Variants in PPP2R5E observed in about 807,000 individuals in gnomAD.
PPP2R5E encodes protein phosphatase 2 regulatory subunit B'epsilon, also known as serine/threonine-protein phosphatase 2A 56 kDa regulatory subunit epsilon isoform.
PPP2R5E carries 4 observed loss-of-function variants against 65.3 expected under a neutral mutation model. The ratio of observed to expected loss-of-function variants is 0.06; its 90% CI spans 0.03 to 0.14. PPP2R5E has a LOEUF of 0.14. PPP2R5E is among the 10% of genes least tolerant of loss of function. The probability of loss-of-function intolerance (pLI) is 1.00; values close to 1 mark genes in which losing one functional copy is unlikely to be tolerated. For missense variants in PPP2R5E, 274 were observed against 556.1 expected (o/e 0.49, Z 5.10); for synonymous variants, 183 against 187.4 (o/e 0.98, Z 0.19).
intron 2 of PPP2R5E, among the ~76,000 whole-genome samples, chr14:63,458,699 T>C (rs927406883): frequency 1.2e-4 from 19 of 152,194 alleles, no homozygotes; most frequent in Non-Finnish European, 2.1e-4. Context: ...ATAGAGTGAA[T>C]AAGTATTTCT....
intron 5 of PPP2R5E, among the ~76,000 whole-genome samples, chr14:63,398,384 C>CA (rs1233023237): frequency 6.6e-6 from 1 of 152,326 alleles, no homozygotes; most frequent in Admixed American, 6.5e-5. Context: ...GGCATAAAGA[C>CA]AGACATACAG....
At chr14:63,521,496 G>A (rs1239724964) in intron 2 of PPP2R5E, among the ~76,000 whole-genome samples, 1 of 152,144 alleles carries the variant, frequency 6.6e-6, no homozygotes, top group Non-Finnish European at 1.5e-5. Context: ...GAGAAATCCC[G>A]TCTCTACTAA....
At chr14:63,474,627 C>G (rs1555363907) in intron 2 of PPP2R5E, among the ~76,000 whole-genome samples, 1 of 123,818 alleles carries the variant, frequency 8.1e-6, no homozygotes, top group Non-Finnish European at 1.6e-5. Context: ...TGAACCACAA[C>G]TGCACCACTG....
chr14:63,483,987 G>C lies in PPP2R5E; in HGVS notation c.158-30102C>G, dbSNP rs1475871806. Among the ~76,000 whole-genome samples the C allele has an allele frequency of 2.6e-5, 4 of 152,100 alleles. No individual in the cohort carries two copies. In the East Asian group the frequency reaches 7.7e-4, roughly 29 times the overall value. On this transcript the variant is annotated intron_variant, in intron 2 of 13. Transcript: ENST00000337537. The stretch of plus-strand genomic sequence containing the variant: ...AGTCCCAGCTACTCAGGGGGGCTGA[G>C]GCAGGAGAATCGCTTGAACTGGTGA...
chr14:63,508,076 A>C, intron 2 of PPP2R5E: 4 of 890,742 alleles, frequency 4.5e-6, no homozygotes, highest in Non-Finnish European at 4.0e-6. Flanking sequence ...CCAAGCCCAT[A>C]AACCCTCACT....
intron 10 of PPP2R5E, among the ~76,000 whole-genome samples, chr14:63,390,460 G>A (rs1300112336): frequency 6.6e-6 from 1 of 151,928 alleles, no homozygotes; most frequent in East Asian, 1.9e-4. Flanking sequence ...AATATAATGG[G>A]AAAATGACAG....
intron 2 of PPP2R5E, chr14:63,479,482 C>T (rs1187906444): frequency 4.6e-5 from 7 of 152,172 alleles, no homozygotes; most frequent in African/African-American, 1.7e-4. Flanking sequence ...CTGCCTGTCC[C>T]TAAATATTCT....
rs148635442 is a variant in PPP2R5E at position 63,521,616 on chromosome 14, T to A, written c.157+17913A>T. On this transcript the variant is annotated intron_variant, in intron 2 of 13. Coordinates refer to ENST00000337537, the MANE Select transcript of PPP2R5E (RefSeq NM_006246.5). ...AGGCAGAGGTTGCAGTGAGCTGAGA[T>A]CACGCCACTGCACTCCAGTCTGGTG... Among the ~76,000 whole-genome samples, 36 of 152,214 alleles carry A rather than the reference T, an allele frequency of 2.4e-4. 1 individual carries two copies. The East Asian group carries it at 6.4e-3, about 27-fold the overall frequency.
chr14:63,389,358 G>T (rs1007970183), intron 11 of PPP2R5E, among the ~76,000 whole-genome samples: 3 of 151,402 alleles, frequency 2.0e-5, no homozygotes, highest in African/African-American at 7.3e-5. Context: ...ACATCTGTAT[G>T]TCTTTAAAAA....
intron 4 of PPP2R5E, among the ~76,000 whole-genome samples, chr14:63,419,676 A>G (rs1886897053): frequency 6.6e-6 from 1 of 152,236 alleles, no homozygotes; most frequent in East Asian, 1.9e-4. Context: ...CCTAAACTTT[A>G]CTATGAATGA....
At chr14:63,443,816 T>G (rs575776922) in intron 3 of PPP2R5E, among the ~76,000 whole-genome samples, 3 of 152,104 alleles carry the variant, frequency 2.0e-5, no homozygotes, top group Non-Finnish European at 4.4e-5. Flanking sequence ...CTCCTTCCTC[T>G]CTCACACTCC....
In PPP2R5E at chr14:63,508,324, C is replaced by A. The variant is rs573641612; in HGVS notation, c.157+31205G>T. Reference sequence around the variant, plus strand: ...GCCTGTCACTCTTTGTTCTGTCACTCTCACAAAACAACTGCATATATTCGC... The same window carrying A: ...GCCTGTCACTCTTTGTTCTGTCACTATCACAAAACAACTGCATATATTCGC... On this transcript the variant is annotated intron_variant, in intron 2 of 13. Transcript: ENST00000337537. The A allele has an allele frequency of 5.2e-6, 3 of 581,356 alleles. No homozygotes were observed. The East Asian group carries it at 4.4e-4, about 85-fold the overall frequency. 36.0% of individuals were successfully genotyped at this position (581,356 alleles called of 1,614,324 possible). A position where few individuals can be genotyped will look rare whatever the true frequency, so the allele number is the denominator to read the frequency against.
chr14:63,379,263 C>T (rs1195687105), intron 13 of PPP2R5E, among the ~76,000 whole-genome samples: 1 of 151,996 alleles, frequency 6.6e-6, no homozygotes, highest in Non-Finnish European at 1.5e-5. Flanking sequence ...CTCCTAACCT[C>T]GTGATCCGCC....
At chr14:63,523,340 G>C (rs1893043941) in intron 2 of PPP2R5E, among the ~76,000 whole-genome samples, 2 of 152,158 alleles carry the variant, frequency 1.3e-5, no homozygotes, top group Admixed American at 6.5e-5. Context: ...AGACATGGGA[G>C]ACTTTTCATT....
Position 63,540,430 on chromosome 14 carries a change from C to CA in PPP2R5E, c.-7-739dup, listed in dbSNP as rs202037803. Among the ~76,000 whole-genome samples, 608 of 74,432 alleles carry CA rather than the reference C, an allele frequency of 8.2e-3. 11 individuals carry two copies. The highest frequency in any genetic ancestry group is 0.021 in the South Asian group (44 of 2,102). The allele number at this position is 74,432 out of a possible 152,430, so 48.8% of individuals were successfully genotyped here. A position where few individuals can be genotyped will look rare whatever the true frequency, so the allele number is the denominator to read the frequency against. On this transcript the variant is annotated intron_variant, in intron 1 of 13. Transcript: ENST00000337537. ...TGGGCAACAGAGCAAGAGTCCATCT[C>CA]AAAAAAAAAAAAAAAAAAAGCCAGG...
intron 2 of PPP2R5E, among the ~76,000 whole-genome samples, chr14:63,515,108 A>T (rs1476638285): frequency 6.6e-6 from 1 of 152,112 alleles, no homozygotes; most frequent in African/African-American, 2.4e-5. Flanking sequence ...GTACAACCCT[A>T]AGCAAGCCCA....
At chr14:63,399,006 C>T (rs1227211429) in intron 5 of PPP2R5E, among the ~76,000 whole-genome samples, 1 of 152,158 alleles carries the variant, frequency 6.6e-6, no homozygotes, top group Admixed American at 6.5e-5. Flanking sequence ...CTAAGCGATT[C>T]CACTTTCATG....
At chr14:63,428,542 G>A (rs1887460416) in intron 3 of PPP2R5E, among the ~76,000 whole-genome samples, 1 of 152,050 alleles carries the variant, frequency 6.6e-6, no homozygotes, top group South Asian at 2.1e-4. Context: ...CTACTGAAGG[G>A]GCAAGGTCAA....
intron 3 of PPP2R5E, among the ~76,000 whole-genome samples, chr14:63,444,404 T>C (rs1888379379): frequency 6.6e-6 from 1 of 152,216 alleles, no homozygotes; most frequent in East Asian, 1.9e-4. Context: ...ATATATGACA[T>C]TATCTTGTTA....
Sources: gnomAD v4.1 joint callset for allele counts (sites outside exome capture counted in the v4.1 genomes callset) on GRCh38, gnomAD v4.1.1 for gene constraint, MANE v1.5 for transcripts, NCBI Gene and HGNC (gene_info 2026-07-23, HGNC 2026-07-21) for gene names.